The following HECTD4 variants were observed in gnomAD, a reference collection of about 807,000 sequenced individuals.
HECTD4 encodes probable E3 ubiquitin-protein ligase HECTD4.
Under a neutral mutation model 471.5 loss-of-function variants are expected in HECTD4, and 114 were observed. The ratio of observed to expected loss-of-function variants is 0.24; its 90% confidence interval spans 0.21 to 0.28. HECTD4 has a LOEUF of 0.28. Among genes scored for constraint, HECTD4 ranks in the 10% least tolerant of loss-of-function variants. The pLI, the probability that HECTD4 is intolerant of heterozygous loss-of-function variation, is 1.00. For missense variants in HECTD4, 3,866 were observed against 5,651.5 expected, an observed-to-expected ratio of 0.68 and a Z score of 10.13; for synonymous variants, 2,012 against 2,256.0, an observed-to-expected ratio of 0.89 and a Z score of 3.07.
At chr12:112,360,837 A>G (rs1402277707) in intron 1 of HECTD4, among the ~76,000 whole-genome samples, 1 of 152,062 alleles carries the variant, frequency 6.6e-6, no homozygotes, top group Non-Finnish European at 1.5e-5. Context: ...TATAAAAATT[A>G]GCCAGGCATG....
chr12:112,380,168 G>A (rs1312182602), intron 1 of HECTD4, among the ~76,000 whole-genome samples: 2 of 152,174 alleles, frequency 1.3e-5, no homozygotes, highest in African/African-American at 2.4e-5. Flanking sequence ...GCATAGGCAC[G>A]GCATAGTGGC....
rs566189302 is a variant in HECTD4, at chr12:112,324,058, C to A, written c.178-4316G>T. On this transcript the variant is annotated intron_variant, in intron 1 of 75. Coordinates refer to ENST00000682272, the MANE Select transcript of HECTD4 (RefSeq NM_001388303.1). ...CCTTCCTTCCTTCCTTTCTTTCTTT[C>A]TTTCTTTCTTTCTTTCTTTCTTTCT... 2.4e-4 allele frequency among the ~76,000 whole-genome samples: 16 copies of A among 67,490 alleles called. 1 individual carries two copies. Among genetic ancestry groups the A allele is most frequent in the Non-Finnish European group, 3.1e-4 (13 of 42,430 alleles). 44.3% of individuals were successfully genotyped at this position (67,490 alleles called of 152,430 possible). A position where few individuals can be genotyped will look rare whatever the true frequency, so the allele number is the denominator to read the frequency against.
intron 7 of HECTD4, among the ~76,000 whole-genome samples, chr12:112,291,059 T>A (rs1246142218): frequency 6.6e-6 from 1 of 152,068 alleles, no homozygotes; most frequent in Admixed American, 6.6e-5. Context: ...TTCCTACTAA[T>A]CCCATTCCTG....
intron 14 of HECTD4, among the ~76,000 whole-genome samples, chr12:112,266,255 T>C (rs1464229192): frequency 6.6e-6 from 1 of 152,218 alleles, no homozygotes; most frequent in Non-Finnish European, 1.5e-5. Context: ...GTCTTTAACA[T>C]AGTACCTTTT....
rs1043429455 is a variant in HECTD4 at position 112,221,650 on chromosome 12, G to A, written c.6971-2161C>T. On this transcript the variant is annotated intron_variant, in intron 44 of 75. Coordinates refer to ENST00000682272, the MANE Select transcript of HECTD4 (RefSeq NM_001388303.1). ...CTGGGCATCAAAACTAACCTGGTGC[G>A]GTTTCTCATGCCTGTAATCCTAGCA... 2.6e-5 allele frequency among the ~76,000 whole-genome samples: 4 copies of A among 152,252 alleles called. No individual in the cohort carries two copies. The South Asian group carries it at 8.3e-4, about 32-fold the overall frequency.
chr12:112,208,106 G>A, intron 51 of HECTD4, 106 bp from the exon 52 acceptor site: 1 of 1,289,386 alleles, frequency 7.8e-7, no homozygotes, highest in Non-Finnish European at 1.1e-6. Context: ...CCACTTAAAT[G>A]CCAGTAATAG....
In HECTD4 at chr12:112,184,750, T is replaced by G. The variant is rs2031798741; in HGVS notation, c.10216A>C (p.Thr3406Pro). Reference protein sequence around the residue: ...SRLLVISGIPTHLDEGVVRGA... With the variant: ...SRLLVISGIPPHLDEGVVRGA... ...CTGACTACGCCCTCGTCCAGGTGGG[T>G]GGGGATCCCGGAGATCACCAGCAAG... Residue 3406 changes from threonine (T) to proline (P), a missense_variant, in exon 61 of 76, where the codon ACC becomes CCC. Physicochemically the swap from Thr to Pro is conservative, Grantham distance 38. Transcript: ENST00000682272. The surrounding 1 kb of genome is among the most constrained non-coding windows in gnomAD (Gnocchi z 9.1). 2 of 1,611,552 alleles carry G rather than the reference T, an allele frequency of 1.2e-6. No individual in the cohort carries two copies. The highest frequency in any genetic ancestry group is 2.7e-5 in the African/African-American group (2 of 74,868).
chr12:112,223,606 G>T (rs2033155376), intron 44 of HECTD4, among the ~76,000 whole-genome samples: 1 of 152,176 alleles, frequency 6.6e-6, no homozygotes, highest in Non-Finnish European at 1.5e-5. Flanking sequence ...TCTGAGTAGA[G>T]ACAGGGCTTC....
At position 112,184,973 on chromosome 12, in the gene HECTD4, G is replaced by A. The variant is rs2031807041; in HGVS notation, c.9993C>T (p.Ser3331=). The change falls in exon 61 of 76, where the codon TCC becomes TCT. Residue 3331 remains serine (S), a synonymous_variant. Transcript: ENST00000682272. This position sits in a 1 kb window ranked among gnomAD's most constrained non-coding sequence, Gnocchi z 9.1. ...KASSSGKRQS[S]RTVDSDPTVL... ...CGGTGGGGTCCGAGTCCACGGTGCG[G>A]GAAGACTGGCGCTTGCCCGACGAGG... is the stretch of plus-strand genomic sequence containing the variant. 1 of 1,613,288 alleles carries A rather than the reference G, an allele frequency of 6.2e-7. No individual in the cohort carries two copies. The highest frequency in any genetic ancestry group is 1.1e-5 in the South Asian group (1 of 91,042).
At chr12:112,256,209 T>G in intron 21 of HECTD4, 111 bp downstream of exon 21, 1 of 767,310 alleles carries the variant, frequency 1.3e-6, no homozygotes, top group Non-Finnish European at 2.0e-6. Context: ...CTTAGAGATA[T>G]CTGCAGACAG....
intron 60 of HECTD4, among the ~76,000 whole-genome samples, chr12:112,186,341 AT>A (rs773102015): frequency 0.024 from 2,644 of 111,760 alleles, 70 homozygotes; most frequent in African/African-American, 0.082. Context: ...TTTTTTAATA[AT>A]TTTTTTTTTT....
chr12:112,254,658 T>A (rs1195730964), intron 21 of HECTD4, among the ~76,000 whole-genome samples: 2 of 152,156 alleles, frequency 1.3e-5, no homozygotes, highest in East Asian at 3.8e-4. Flanking sequence ...TAAGAATTTT[T>A]AAAAATGCAA....
chr12:112,370,129 G>A (rs997964468), intron 1 of HECTD4, among the ~76,000 whole-genome samples: 27 of 152,124 alleles, frequency 1.8e-4, no homozygotes, highest in Non-Finnish European at 1.0e-4. Flanking sequence ...AGGAGAAGGC[G>A]ATGTGATGAC....
intron 67 of HECTD4, 97 bp from the exon 68 acceptor site, chr12:112,171,360 T>C (rs2031213600): frequency 1.3e-6 from 2 of 1,515,610 alleles, no homozygotes; most frequent in Non-Finnish European, 1.8e-6. Context: ...GCGAACAGGA[T>C]TGGTGGATTT....
At chr12:112,325,241 C>T (rs1449733738) in intron 1 of HECTD4, among the ~76,000 whole-genome samples, 1 of 152,130 alleles carries the variant, frequency 6.6e-6, no homozygotes, top group Non-Finnish European at 1.5e-5. Flanking sequence ...ATTTAAAAGA[C>T]AAGTGCACTG....
rs1412904946 is a variant in HECTD4 at position 112,309,567 on chromosome 12, G to C, written c.1019C>G (p.Thr340Ser). 1 of 1,424,048 alleles carries C rather than the reference G, an allele frequency of 7.0e-7. No individual in the cohort carries two copies. The highest frequency in any genetic ancestry group is 9.6e-7 in the Non-Finnish European group (1 of 1,044,154). The allele number at this position is 1,424,048 out of a possible 1,614,324, so 88.2% of individuals were successfully genotyped here. The change falls in exon 5 of 76, where the codon ACT becomes AGT. Residue 340 changes from threonine to serine, a missense_variant. Physicochemically the swap from Thr to Ser is moderately conservative, Grantham distance 58. Transcript: ENST00000682272. Reference sequence around the variant, plus strand: ...GAAGTTCCATGCAACTGACCTGAGAGTACCATGTAATCCAGATCCCAATTT... The same window carrying C: ...GAAGTTCCATGCAACTGACCTGAGACTACCATGTAATCCAGATCCCAATTT... Reference protein sequence around the residue: ...VSKLGSGLHGTLRGFVYCRNE... With the variant: ...VSKLGSGLHGSLRGFVYCRNE...
At chr12:112,303,792 A>G (rs1401391930) in intron 7 of HECTD4, among the ~76,000 whole-genome samples, 1 of 151,468 alleles carries the variant, frequency 6.6e-6, no homozygotes, top group Non-Finnish European at 1.5e-5. Context: ...TGAGGCCACA[A>G]TGAGCCATGA....
chr12:112,339,131 G>C (rs1285078255), intron 1 of HECTD4, among the ~76,000 whole-genome samples: 1 of 151,876 alleles, frequency 6.6e-6, no homozygotes, highest in Non-Finnish European at 1.5e-5. Context: ...ACACGAACAA[G>C]AATATTCGTA....
intron 1 of HECTD4, among the ~76,000 whole-genome samples, chr12:112,330,169 T>C (rs188774628): frequency 5.3e-4 from 81 of 151,410 alleles, no homozygotes; most frequent in Non-Finnish European, 8.7e-4. Flanking sequence ...CCCAGCTACT[T>C]GGGACGCTGA....
Sources: gnomAD v4.1 joint callset for allele counts (sites outside exome capture counted in the v4.1 genomes callset) on GRCh38, gnomAD v4.1.1 for gene constraint, Gnocchi (gnomAD v3.1) non-coding constraint, MANE v1.5 for transcripts, NCBI Gene and HGNC (gene_info 2026-07-23, HGNC 2026-07-21) for gene names.